PKN2: variants seen among roughly 807,000 people sequenced by gnomAD.
PKN2 encodes protein kinase N2, also known as serine/threonine-protein kinase N2.
In PKN2, 38 loss-of-function variants were observed where a neutral mutation model predicts 119.1. The ratio of observed to expected loss-of-function variants is 0.32; its 90% confidence interval spans 0.25 to 0.42. The LOEUF is 0.42. Ranked by LOEUF, PKN2 falls within the 10% of genes least tolerant of loss-of-function variation. The probability of loss-of-function intolerance (pLI) is 1.00; values close to 1 mark genes in which losing one functional copy is unlikely to be tolerated. For synonymous variants in PKN2, 390 were observed against 384.9 expected (o/e 1.01, Z -0.15); for missense variants, 850 against 1,165.1 (o/e 0.73, Z 3.94).
intron 4 of PKN2, 57 bp from the exon 5 acceptor site, chr1:88,771,364 A>C: frequency 7.6e-7 from 1 of 1,312,074 alleles, no homozygotes; most frequent in Admixed American, 2.3e-5. Context: ...GATTTTAATC[A>C]CTGCAAATTG....
intron 1 of PKN2, among the ~76,000 whole-genome samples, chr1:88,718,265 C>T (rs936151682): frequency 6.6e-6 from 1 of 152,178 alleles, no homozygotes; most frequent in Non-Finnish European, 1.5e-5. Flanking sequence ...TTAGGCTACT[C>T]GGGGGTCAGG....
At chr1:88,748,256 C>G (rs964866409) in intron 2 of PKN2, among the ~76,000 whole-genome samples, 2 of 152,160 alleles carry the variant, frequency 1.3e-5, no homozygotes, top group Non-Finnish European at 2.9e-5. Flanking sequence ...TAGTCACACC[C>G]TTCTTCACCT....
intron 8 of PKN2, among the ~76,000 whole-genome samples, chr1:88,792,600 T>C (rs1005524570): frequency 1.3e-4 from 20 of 152,178 alleles, no homozygotes; most frequent in African/African-American, 4.6e-4. Context: ...ACTAATAGTC[T>C]ACTGTGGACC....
chr1:88,747,720 C>T (rs1668825088), intron 2 of PKN2, among the ~76,000 whole-genome samples: 1 of 151,996 alleles, frequency 6.6e-6, no homozygotes, highest in Non-Finnish European at 1.5e-5. Context: ...CCCCACCAAA[C>T]TTAGATTGGT....
At chr1:88,742,163 GAA>G (rs1199250282) in intron 2 of PKN2, among the ~76,000 whole-genome samples, 1 of 152,026 alleles carries the variant, frequency 6.6e-6, no homozygotes, top group Non-Finnish European at 1.5e-5. Flanking sequence ...TATTTGCAAA[GAA>G]AAAGAGTGTG....
chr1:88,706,258 T>C (rs1468038157), intron 1 of PKN2, among the ~76,000 whole-genome samples: 1 of 152,216 alleles, frequency 6.6e-6, no homozygotes, highest in African/African-American at 2.4e-5. Flanking sequence ...CCATTTTAAA[T>C]GGTATTTTAA....
chr1:88,814,662 T>C (rs2100898098), intron 16 of PKN2, among the ~76,000 whole-genome samples: 1 of 152,314 alleles, frequency 6.6e-6, no homozygotes. Context: ...TTCCCTATTT[T>C]ATTAAACAGC....
In PKN2 at chr1:88,760,293, T is replaced by C. The variant is rs430600; in HGVS notation, c.421T>C (p.Leu141=). ...TACTAGCAACAATAGATTGAAGGCC[T>C]TACAAAAACAATTGGATATAGAACT... ...CSTSNNRLKA[L]QKQLDIELKV... Residue 141 remains leucine (L), a synonymous_variant, in exon 3 of 22, where the codon TTA becomes CTA. Coordinates refer to ENST00000370521, the MANE Select transcript of PKN2 (RefSeq NM_006256.4). 0.65 allele frequency: 1,017,213 copies of C among 1,562,184 alleles called. 336,487 individuals carry two copies. Among genetic ancestry groups the C allele is most frequent in the African/African-American group, 0.89 (65,633 of 73,592 alleles).
intron 1 of PKN2, among the ~76,000 whole-genome samples, chr1:88,727,339 T>G (rs1279280374): frequency 1.3e-5 from 2 of 151,988 alleles, no homozygotes; most frequent in African/African-American, 4.8e-5. Flanking sequence ...TATGGGTTTT[T>G]GTTTTTGTTT....
At chr1:88,719,284 A>G (rs1667575134) in intron 1 of PKN2, among the ~76,000 whole-genome samples, 1 of 152,062 alleles carries the variant, frequency 6.6e-6, no homozygotes, top group South Asian at 2.1e-4. Context: ...AACTAGTTTT[A>G]TTTCCTCAGG....
intron 6 of PKN2, among the ~76,000 whole-genome samples, chr1:88,781,911 A>G (rs563383066): frequency 2.6e-5 from 4 of 152,148 alleles, no homozygotes; most frequent in Non-Finnish European, 5.9e-5. Context: ...CTGTACAGTA[A>G]GATAAGATTT....
chr1:88,828,440 G>T (rs537942440), intron 18 of PKN2, 41 bp from the exon 19 acceptor site: 31 of 1,514,970 alleles, frequency 2.0e-5, no homozygotes, highest in Middle Eastern at 1.7e-4. Context: ...TGCTAGATTT[G>T]TTTTCTTTGC....
chr1:88,811,981 G>A (rs2100891911), intron 15 of PKN2, among the ~76,000 whole-genome samples: 1 of 152,192 alleles, frequency 6.6e-6, no homozygotes, highest in Middle Eastern at 3.4e-3. Context: ...AGTTATTTGG[G>A]AATAAGGAGA....
At chr1:88,778,341 A>G (rs1345518804) in intron 6 of PKN2, among the ~76,000 whole-genome samples, 1 of 152,256 alleles carries the variant, frequency 6.6e-6, no homozygotes, top group Non-Finnish European at 1.5e-5. Context: ...CCTGAAGAAG[A>G]AAAGATTGCC....
chr1:88,733,915 T>C (rs1260432720), intron 1 of PKN2, among the ~76,000 whole-genome samples: 1 of 152,088 alleles, frequency 6.6e-6, no homozygotes, highest in African/African-American at 2.4e-5. Context: ...TCCCAACAAT[T>C]TGGGGGGGTC....
At chr1:88,736,946 A>G (rs1223569553) in intron 1 of PKN2, among the ~76,000 whole-genome samples, 1 of 152,146 alleles carries the variant, frequency 6.6e-6, no homozygotes, top group Admixed American at 6.5e-5. Context: ...TGGGGCCAGG[A>G]CACGTTAGGC....
At chr1:88,751,771 C>A (rs115340447) in intron 2 of PKN2, among the ~76,000 whole-genome samples, 2,014 of 152,172 alleles carry the variant, frequency 0.013, 40 homozygotes, top group African/African-American at 0.046. Context: ...CTAGAGTGAT[C>A]TTTTCTTGTA....
chr1:88,799,110 T>C (rs1671208000), intron 8 of PKN2, among the ~76,000 whole-genome samples: 1 of 152,232 alleles, frequency 6.6e-6, no homozygotes, highest in Non-Finnish European at 1.5e-5. Context: ...TTTGGAACTT[T>C]TTATATGATG....
At chr1:88,770,220 C>T in intron 3 of PKN2, 132 bp from the exon 4 acceptor site, 1 of 568,082 alleles carries the variant, frequency 1.8e-6, no homozygotes, top group Non-Finnish European at 3.2e-6. Context: ...ATAAGATATA[C>T]TATAGCGCCA....
Sources: gnomAD v4.1 joint callset for allele counts (sites outside exome capture counted in the v4.1 genomes callset) on GRCh38, gnomAD v4.1.1 for gene constraint, MANE v1.5 for transcripts, NCBI Gene and HGNC (gene_info 2026-07-23, HGNC 2026-07-21) for gene names.